SLC71A2: variants seen among roughly 807,000 people sequenced by gnomAD.
SLC71A2 encodes the protein solute carrier family 71 member 2.
chr9:94,438,917 G>A, the SLC71A2 span, among the ~76,000 whole-genome samples: 1 of 151,836 alleles, frequency 6.6e-6, no homozygotes, highest in Non-Finnish European at 1.5e-5. Context: ...TCGCTGTGGG[G>A]CACTGACACA....
the SLC71A2 span, among the ~76,000 whole-genome samples, chr9:94,402,438 C>T: frequency 2.6e-4 from 39 of 152,144 alleles, no homozygotes; most frequent in African/African-American, 8.4e-4. Context: ...GTAGAACTAC[C>T]ACTATCTAAT....
chr9:94,431,897 A>C, the SLC71A2 span, among the ~76,000 whole-genome samples: 2 of 152,202 alleles, frequency 1.3e-5, no homozygotes, highest in Non-Finnish European at 2.9e-5. Context: ...CAGCTTCAGG[A>C]GGCCAACCCA....
chr9:94,436,279 A>G, the SLC71A2 span, among the ~76,000 whole-genome samples: 4 of 152,230 alleles, frequency 2.6e-5, no homozygotes, highest in Non-Finnish European at 5.9e-5. Context: ...CAAATGATCC[A>G]AACTAGATCA....
At chr9:94,453,158 T>C in the SLC71A2 span, among the ~76,000 whole-genome samples, 1 of 151,090 alleles carries the variant, frequency 6.6e-6, no homozygotes, top group Admixed American at 6.6e-5. Flanking sequence ...CTTTTTTTTT[T>C]TTTTTTTTTG....
chr9:94,419,788 G>C, the SLC71A2 span, among the ~76,000 whole-genome samples: 7 of 152,096 alleles, frequency 4.6e-5, no homozygotes, highest in African/African-American at 1.7e-4. Context: ...TGTTTTGCTT[G>C]TTTAGTAACT....
chr9:94,459,932 CTT>C, the SLC71A2 span: 1 of 153,388 alleles, frequency 6.5e-6, no homozygotes, highest in Non-Finnish European at 1.5e-5. Context: ...GATCTACTGT[CTT>C]TGTTCAAAGG....
At chr9:94,383,949 T>C in the SLC71A2 span, among the ~76,000 whole-genome samples, 1 of 152,220 alleles carries the variant, frequency 6.6e-6, no homozygotes, top group East Asian at 1.9e-4. Flanking sequence ...CACAATTGTT[T>C]GTTGCCAGCA....
At chr9:94,381,046 T>G in the SLC71A2 span, among the ~76,000 whole-genome samples, 1 of 110,962 alleles carries the variant, frequency 9.0e-6, no homozygotes, top group Non-Finnish European at 1.9e-5. Context: ...CCCCCTTTTT[T>G]TTTTTTTGAG....
the SLC71A2 span, among the ~76,000 whole-genome samples, chr9:94,399,731 C>T: frequency 6.6e-6 from 1 of 151,976 alleles, no homozygotes; most frequent in Non-Finnish European, 1.5e-5. Flanking sequence ...ACAGAAATGC[C>T]AGGTGGTCGA....
chr9:94,398,354 G>T, the SLC71A2 span, among the ~76,000 whole-genome samples: 3,428 of 149,710 alleles, frequency 0.023, 130 homozygotes, highest in African/African-American at 0.081. Context: ...GTTACAGGGA[G>T]AATACCTGGA....
At chr9:94,448,710 G>A in the SLC71A2 span, among the ~76,000 whole-genome samples, 1 of 152,198 alleles carries the variant, frequency 6.6e-6, no homozygotes, top group African/African-American at 2.4e-5. Context: ...TTGGCTCGCT[G>A]CAGCCTCTGT....
At chr9:94,456,478 C>A in the SLC71A2 span, 4 of 611,758 alleles carry the variant, frequency 6.5e-6, no homozygotes, top group Admixed American at 8.2e-5. Context: ...TTTACTTTGG[C>A]AGATAGGAAC....
the SLC71A2 span, among the ~76,000 whole-genome samples, chr9:94,376,003 GTCCCC>G: frequency 6.7e-6 from 1 of 149,376 alleles, no homozygotes; most frequent in South Asian, 2.2e-4. Flanking sequence ...CTTAGTTGAA[GTCCCC>G]TCCCAGCCCA....
the SLC71A2 span, among the ~76,000 whole-genome samples, chr9:94,391,977 C>T: frequency 6.6e-6 from 1 of 152,114 alleles, no homozygotes; most frequent in African/African-American, 2.4e-5. Context: ...CTTGGCTTCC[C>T]AACGTGTTGG....
At chr9:94,431,312 CA>C in the SLC71A2 span, among the ~76,000 whole-genome samples, 26,546 of 101,182 alleles carry the variant, frequency 0.26, 2,956 homozygotes, top group Middle Eastern at 0.36. Context: ...GACTCCGTCT[CA>C]AAAAAAAAAA....
the SLC71A2 span, among the ~76,000 whole-genome samples, chr9:94,444,757 CTT>C: frequency 6.6e-6 from 1 of 152,126 alleles, no homozygotes; most frequent in East Asian, 1.9e-4. Flanking sequence ...CTTTAATTCT[CTT>C]TCATTCTTAA....
chr9:94,426,981 G>A, the SLC71A2 span, among the ~76,000 whole-genome samples: 1 of 152,112 alleles, frequency 6.6e-6, no homozygotes, highest in Non-Finnish European at 1.5e-5. Context: ...GATTACAGGT[G>A]TATGCCACTG....
chr9:94,457,211 C>T, the SLC71A2 span, among the ~76,000 whole-genome samples: 2 of 152,072 alleles, frequency 1.3e-5, no homozygotes, highest in African/African-American at 2.4e-5. Context: ...GTCTGCCTGC[C>T]TCGGCCTCTC....
At chr9:94,409,088 C>T in the SLC71A2 span, among the ~76,000 whole-genome samples, 6 of 149,104 alleles carry the variant, frequency 4.0e-5, no homozygotes, top group African/African-American at 1.5e-4. Flanking sequence ...CTGCCTCGGC[C>T]TCCCAAAGTG....
Sources: gnomAD v4.1 joint callset for allele counts (sites outside exome capture counted in the v4.1 genomes callset) on GRCh38, gnomAD v4.1.1 for gene constraint, MANE v1.5 for transcripts, NCBI Gene and HGNC (gene_info 2026-07-23, HGNC 2026-07-21) for gene names.